The following SRRM2 variants were observed in gnomAD, a reference collection of about 807,000 sequenced individuals.
The protein encoded by SRRM2 is serine/arginine repetitive matrix protein 2.
A neutral mutation model predicts 213.8 loss-of-function variants in SRRM2; 30 were observed. The observed-to-expected ratio is 0.14, with a 90% CI of 0.10 to 0.19. The LOEUF (loss-of-function observed/expected upper bound fraction) is 0.19, where lower values mean the gene tolerates loss of function less well. Among genes scored for constraint, SRRM2 ranks in the 10% least tolerant of loss-of-function variants. The pLI, the probability that SRRM2 is intolerant of heterozygous loss-of-function variation, is 1.00. For missense variants in SRRM2, 4,904 were observed against 3,647.0 expected (o/e 1.34, Z -8.88); for synonymous variants, 2,025 against 1,377.7 (o/e 1.47, Z -10.40).
rs756482846 is a variant in SRRM2 at position 2,757,559 on chromosome 16, G to T, written c.330G>T (p.Glu110Asp). 3.1e-6 allele frequency: 5 copies of T among 1,613,884 alleles called. No homozygotes were observed. The highest frequency in any genetic ancestry group is 2.7e-5 in the African/African-American group (2 of 74,896). ...EKDVNPGGKEETPGQRPAVTE... is the reference protein window; with the variant it reads ...EKDVNPGGKEDTPGQRPAVTE... Reference sequence around the variant, plus strand: ...ATGTGAACCCTGGGGGCAAGGAGGAGACCCCAGGGCAGAGGCCAGCGTGAG... The same window carrying T: ...ATGTGAACCCTGGGGGCAAGGAGGATACCCCAGGGCAGAGGCCAGCGTGAG... Residue 110 changes from glutamate (E) to aspartate (D), a missense_variant, in exon 3 of 15, where the codon GAG becomes GAT. Coordinates refer to ENST00000301740, the MANE Select transcript of SRRM2 (RefSeq NM_016333.4).
In SRRM2 at chr16:2,770,683, C is replaced by T. The variant is rs138495768; in HGVS notation, c.8215C>T (p.Pro2739Ser). 4.6e-3 allele frequency: 7,149 copies of T among 1,556,440 alleles called. 112 individuals are homozygous for T. Among genetic ancestry groups the T allele is most frequent in the Middle Eastern group, 0.043 (259 of 5,996 alleles). ...SPSHKRRRET[P>S]SPRPMRHRSS... ...CAGCCACAAGCGCAGGAGGGAGACA[C>T]CTAGCCCTCGGCCCATGAGACACCG... Residue 2739 changes from proline to serine, a missense_variant, in exon 14 of 15, where the codon CCT becomes TCT. Physicochemically the swap from Pro to Ser is moderately conservative, Grantham distance 74. Transcript: ENST00000301740.
In SRRM2 at chr16:2,767,972, A is replaced by G. The variant is rs766516640; in HGVS notation, c.7444A>G (p.Thr2482Ala). 12 of 1,613,832 alleles carry G rather than the reference A, an allele frequency of 7.4e-6. No homozygotes were observed. In the East Asian group the frequency reaches 2.0e-4, roughly 27 times the overall value. ...GTCCCTTTCCTCTGGGGCAGTGGCA[A>G]CGACCACGTCCTCTGCTGGTGATCA... ...SQSLSSGAVATTTSSAGDHNG... is the reference protein window; with the variant it reads ...SQSLSSGAVAATTSSAGDHNG... The change falls in exon 11 of 15, where the codon ACG becomes GCG. Residue 2482 changes from threonine to alanine, a missense_variant. Thr to Ala is a moderately conservative substitution (Grantham distance 58, BLOSUM62 0). Transcript: ENST00000301740.
rs2068651048 is a variant in SRRM2 at position 2,769,184 on chromosome 16, T to TCCC, written c.7923_7924insCCC (p.Ser2641_Ser2642insPro). On this transcript the variant is annotated inframe_insertion, in exon 12 of 15. Coordinates refer to ENST00000301740, the MANE Select transcript of SRRM2 (RefSeq NM_016333.4). ...CTCTTCTTCTTCTTCCTCCTCATCT[T>TCCC]CCTCCTCCTCGTCGTCTTCCTCCCC... 3 of 1,610,816 alleles carry TCCC rather than the reference T, an allele frequency of 1.9e-6. No individual in the cohort carries two copies. Among genetic ancestry groups the TCCC allele is most frequent in the Non-Finnish European group, 2.5e-6 (3 of 1,178,340 alleles).
rs1386239632 is a variant in SRRM2, at chr16:2,764,071, T to C, written c.3543T>C (p.Pro1181=). Reference sequence around the variant, plus strand: ...AGGAGGATGCTACTGCATCACCTCCTAGACAGAAAGACAAATTTAGTCCCT... The same window carrying C: ...AGGAGGATGCTACTGCATCACCTCCCAGACAGAAAGACAAATTTAGTCCCT... ...PPQEDATASP[P]RQKDKFSPFP... The change falls in exon 11 of 15, where the codon CCT becomes CCC. Residue 1181 remains proline (P), a synonymous_variant. Coordinates refer to ENST00000301740, the MANE Select transcript of SRRM2 (RefSeq NM_016333.4). 6.2e-7 allele frequency: 1 copy of C among 1,614,022 alleles called. No individual in the cohort carries two copies. Among genetic ancestry groups the C allele is most frequent in the African/African-American group, 1.3e-5 (1 of 74,936 alleles).
In SRRM2 at chr16:2,766,004, G is replaced by T. The variant is rs1039936934; in HGVS notation, c.5476G>T (p.Ala1826Ser). Residue 1826 changes from alanine to serine, a missense_variant, in exon 11 of 15, where the codon GCC becomes TCC. Coordinates refer to ENST00000301740, the MANE Select transcript of SRRM2 (RefSeq NM_016333.4). The surrounding 1 kb of genome is among the most constrained non-coding windows in gnomAD (Gnocchi z 7.0). ...GGSGYHSRSPARQESSRTSSR... is the reference protein window; with the variant it reads ...GGSGYHSRSPSRQESSRTSSR... ...CTCTGGTTATCACTCAAGGTCACCTGCCCGGCAGGAAAGTTCCCGGACCTC... is the reference window on the plus strand; with the variant it reads ...CTCTGGTTATCACTCAAGGTCACCTTCCCGGCAGGAAAGTTCCCGGACCTC... 6 of 1,613,976 alleles carry T rather than the reference G, an allele frequency of 3.7e-6. No individual in the cohort carries two copies. The Admixed American group carries it at 5.0e-5, about 13-fold the overall frequency.
In SRRM2 at chr16:2,756,544, C is replaced by T. The variant is rs1260067743; in HGVS notation, c.180C>T (p.His60=). 4.3e-6 allele frequency: 7 copies of T among 1,613,950 alleles called. No homozygotes were observed. Among genetic ancestry groups the T allele is most frequent in the Admixed American group, 3.3e-5 (2 of 59,996 alleles). The part of the protein sequence containing the change: ...VKRPNPDILD[H]ERKRRVELRC... ...GGCCTAATCCTGACATCCTGGACCACGAGCGCAAGCGGCGCGTCGAGCTGC... is the reference window on the plus strand; with the variant it reads ...GGCCTAATCCTGACATCCTGGACCATGAGCGCAAGCGGCGCGTCGAGCTGC... The change falls in exon 2 of 15, where the codon CAC becomes CAT. Residue 60 remains histidine, a synonymous_variant. Transcript: ENST00000301740.
chr16:2,759,282 T>C, intron 7 of SRRM2, 70 bp from the exon 8 acceptor site: 2 of 1,607,224 alleles, frequency 1.2e-6, no homozygotes, highest in Middle Eastern at 1.7e-4. Flanking sequence ...ACTCCCTCTT[T>C]CCATTTCACT....
chr16:2,757,100 CTT>C (rs1256562033), intron 2 of SRRM2, among the ~76,000 whole-genome samples: 2 of 152,102 alleles, frequency 1.3e-5, no homozygotes, highest in African/African-American at 2.4e-5. Context: ...GCAGAAAACT[CTT>C]TTAGAGCAGT....
rs766602295 is a variant in SRRM2 at position 2,762,423 on chromosome 16, G to A, written c.1895G>A (p.Arg632Gln). Residue 632 changes from arginine to glutamine, a missense_variant, in exon 11 of 15, where the codon CGA becomes CAA. Physicochemically the swap from Arg to Gln is conservative, Grantham distance 43. Coordinates refer to ENST00000301740, the MANE Select transcript of SRRM2 (RefSeq NM_016333.4). ...RRRSRTRSPV[R>Q]RRSRSRSPAR... ...AGATCTAGGACCCGATCACCAGTAC[G>A]ACGCAGGTCTCGTAGTAGATCACCA... The A allele has an allele frequency of 2.5e-5, 40 of 1,613,916 alleles. No homozygotes were observed. The highest frequency in any genetic ancestry group is 2.6e-5 in the Non-Finnish European group (31 of 1,180,006).
rs1596274313 is a variant in SRRM2, at chr16:2,761,655, G to A, written c.1127G>A (p.Gly376Asp). 1 of 1,586,818 alleles carries A rather than the reference G, an allele frequency of 6.3e-7. No individual in the cohort carries two copies. Among genetic ancestry groups the A allele is most frequent in the Non-Finnish European group, 8.6e-7 (1 of 1,168,282 alleles). ...PTPLLAERHG[G>D]SPQPLATTPL... The stretch of plus-strand genomic sequence containing the variant: ...CCGCTCCTTGCTGAGCGACATGGCG[G>A]CTCCCCACAACCCCTTGCAACCACC... Residue 376 changes from glycine (G) to aspartate (D), a missense_variant, in exon 11 of 15, where the codon GGC (glycine) becomes GAC (aspartate). Gly to Asp is a moderately conservative substitution (Grantham distance 94). Coordinates refer to ENST00000301740, the MANE Select transcript of SRRM2 (RefSeq NM_016333.4).
At chr16:2,770,131 A>T in intron 12 of SRRM2, 1 of 1,420,800 alleles carries the variant, frequency 7.0e-7, no homozygotes, top group Non-Finnish European at 9.2e-7. Context: ...AAGGGCAGGG[A>T]CTGTCTTTAT....
intron 10 of SRRM2, 151 bp downstream of exon 10, chr16:2,760,650 G>A: frequency 1.2e-6 from 1 of 827,412 alleles, no homozygotes; most frequent in Non-Finnish European, 1.9e-6. Flanking sequence ...TACTGCATCT[G>A]CAGAACTTTT....
rs777763506 is a variant in SRRM2, at chr16:2,762,511, A to G, written c.1983A>G (p.Arg661=). The G allele has an allele frequency of 6.2e-7, 1 of 1,613,634 alleles. No homozygotes were observed. The highest frequency in any genetic ancestry group is 1.7e-5 in the Admixed American group (1 of 59,988). Reference sequence around the variant, plus strand: ...CTAGACGTGGCCGCTCACGCTCCAGAACCCCAGCCAGACGTGGCCGCTCAC... The same window carrying G: ...CTAGACGTGGCCGCTCACGCTCCAGGACCCCAGCCAGACGTGGCCGCTCAC... ...TPARRGRSRS[R]TPARRGRSRS... The change falls in exon 11 of 15, where the codon AGA becomes AGG. Residue 661 remains arginine (R), a synonymous_variant. Transcript: ENST00000301740.
At position 2,770,939 on chromosome 16, in the gene SRRM2, G is replaced by A. The variant is rs769001794; in HGVS notation, c.*72G>A. ...GGAGTGTCCCTTCTTCCCCAGCAGA[G>A]CCGTGGGAGGGTCCTTGTCTGCTCT... On this transcript the variant is annotated 3_prime_UTR_variant, in exon 15 of 15. Transcript: ENST00000301740. 1.9e-6 allele frequency: 3 copies of A among 1,595,760 alleles called. No homozygotes were observed. Among genetic ancestry groups the A allele is most frequent in the African/African-American group, 2.7e-5 (2 of 74,612 alleles).
At chr16:2,759,322 T>TA (rs1276083886) in intron 7 of SRRM2, 30 bp from the exon 8 acceptor site, 1 of 1,610,452 alleles carries the variant, frequency 6.2e-7, no homozygotes, top group Non-Finnish European at 8.5e-7. Context: ...TTAAAGAAGT[T>TA]ACTTTTAACA....
intron 4 of SRRM2, 115 bp from the exon 5 acceptor site, chr16:2,758,355 A>T: frequency 1.0e-6 from 1 of 990,430 alleles, no homozygotes; most frequent in Non-Finnish European, 1.6e-6. Flanking sequence ...GAGGCAACAG[A>T]GCGAGACTCT....
intron 1 of SRRM2, 126 bp from the exon 2 acceptor site, chr16:2,756,208 A>G (rs188777845): frequency 5.1e-5 from 48 of 932,878 alleles, no homozygotes; most frequent in South Asian, 4.0e-4. Context: ...AGCATTATAC[A>G]GCGAAGACTT....
In SRRM2 at chr16:2,765,668, C is replaced by G. The variant is rs757751729; in HGVS notation, c.5140C>G (p.Pro1714Ala). 1.9e-6 allele frequency: 3 copies of G among 1,614,028 alleles called. No homozygotes were observed. The highest frequency in any genetic ancestry group is 1.6e-4 in the Middle Eastern group (1 of 6,084). The change falls in exon 11 of 15, where the codon CCA becomes GCA. Residue 1714 changes from proline (P) to alanine (A), a missense_variant. Coordinates refer to ENST00000301740, the MANE Select transcript of SRRM2 (RefSeq NM_016333.4). ...TAGAAGCCGCTCTGCCTCATCCTCA[C>G]CAGAAACTCGCTCTAGAACTCCCCC... ...SRRSRSASSS[P>A]ETRSRTPPRH...
Position 2,765,230 on chromosome 16 carries a change from A to C in SRRM2, c.4702A>C (p.Lys1568Gln), listed in dbSNP as rs755528824. 1 of 1,614,094 alleles carries C rather than the reference A, an allele frequency of 6.2e-7. No individual in the cohort carries two copies. The change falls in exon 11 of 15, where the codon AAG (lysine) becomes CAG (glutamine). Residue 1568 changes from lysine to glutamine, a missense_variant. Lys to Gln is a moderately conservative substitution (Grantham distance 53). Coordinates refer to ENST00000301740, the MANE Select transcript of SRRM2 (RefSeq NM_016333.4). The part of the protein sequence containing the change: ...ESDSSPDSKA[K>Q]TRTPLRQRSR... ...AGACTCTTCTCCAGATTCTAAAGCC[A>C]AGACAAGAACCCCACTTCGGCAGAG...
Sources: allele counts gnomAD v4.1 joint callset (sites outside exome capture counted in the v4.1 genomes callset), GRCh38; gene constraint gnomAD v4.1.1; non-coding constraint Gnocchi (gnomAD v3.1); transcripts MANE v1.5; gene names NCBI Gene and HGNC (gene_info 2026-07-23, HGNC 2026-07-21).